ZFHX3: variants seen among roughly 807,000 people sequenced by gnomAD.
ZFHX3 encodes the protein zinc finger homeobox protein 3.
ZFHX3 carries 42 observed loss-of-function variants against 279.1 expected under a neutral mutation model. That is an observed-to-expected ratio of 0.15 (90% confidence interval 0.12 to 0.19). ZFHX3 has a LOEUF of 0.19. ZFHX3 is among the 10% of genes least tolerant of loss of function. The pLI is 1.00. For missense variants in ZFHX3, 4,981 were observed against 4,754.0 expected, an observed-to-expected ratio of 1.05 and a Z score of -1.40; for synonymous variants, 2,293 against 1,957.8, an observed-to-expected ratio of 1.17 and a Z score of -4.52.
chr16:73,777,045 CCT>C (rs1959272997), intron 1 of ZFHX3, among the ~76,000 whole-genome samples: 1 of 152,134 alleles, frequency 6.6e-6, no homozygotes, highest in African/African-American at 2.4e-5. Flanking sequence ...ATTGCATTCC[CCT>C]ATTTCACAAG....
intron 4 of ZFHX3, among the ~76,000 whole-genome samples, chr16:72,851,966 C>T (rs916905445): frequency 1.3e-5 from 2 of 152,166 alleles, no homozygotes; most frequent in African/African-American, 2.4e-5. Flanking sequence ...ACAGCTTTTG[C>T]GTAGACTTTA....
At chr16:73,287,611 GGTCAGTGT>G (rs2014655994) in intron 4 of ZFHX3, among the ~76,000 whole-genome samples, 3 of 144,236 alleles carry the variant, frequency 2.1e-5, no homozygotes, top group Non-Finnish European at 3.0e-5. Context: ...TGGGTGTGTG[GGTCAGTGT>G]GTGGCTGTGT....
At chr16:73,797,747 G>T (rs1960035463) in intron 1 of ZFHX3, among the ~76,000 whole-genome samples, 1 of 148,336 alleles carries the variant, frequency 6.7e-6, no homozygotes, top group Non-Finnish European at 1.5e-5. Context: ...CTAAAAATTA[G>T]AATAATAGGA....
chr16:73,319,969 G>T (rs76495730), intron 3 of ZFHX3, among the ~76,000 whole-genome samples: 1 of 152,216 alleles, frequency 6.6e-6, no homozygotes, highest in African/African-American at 2.4e-5. Context: ...GAGTGAACTC[G>T]GTTGCATTAA....
rs182791938 is a variant in ZFHX3 at position 73,189,330 on chromosome 16, G to A, written c.-1103-45499C>T. On this transcript the variant is annotated intron_variant, in intron 5 of 17. Transcript: ENST00000641206. ...GAGCAGCTAGCAGAATTCTAATCACGTGATCATTGTTCACTGGGGTCGGCA... is the reference window on the plus strand; with the variant it reads ...GAGCAGCTAGCAGAATTCTAATCACATGATCATTGTTCACTGGGGTCGGCA... Among the ~76,000 whole-genome samples the A allele has an allele frequency of 4.6e-5, 7 of 152,258 alleles. No homozygotes were observed. In the East Asian group the frequency reaches 9.6e-4, roughly 21 times the overall value.
intron 1 of ZFHX3, among the ~76,000 whole-genome samples, chr16:72,998,820 C>T (rs1963387142): frequency 6.6e-6 from 1 of 152,216 alleles, no homozygotes; most frequent in Non-Finnish European, 1.5e-5. Flanking sequence ...GTTAAGCTGC[C>T]CGGGCCTGGA....
rs192098379 is a variant in ZFHX3 at position 73,648,477 on chromosome 16, C to T, written c.-1547+31703G>A. Among the ~76,000 whole-genome samples the T allele has an allele frequency of 1.5e-3, 236 of 152,330 alleles. 1 individual carries two copies. Among genetic ancestry groups the T allele is most frequent in the Non-Finnish European group, 2.5e-3 (169 of 68,028 alleles). On this transcript the variant is annotated intron_variant, in intron 2 of 17. Coordinates refer to the ZFHX3 transcript ENST00000641206. ...CAGTCTCGGCTCACTGCAACCTCGG[C>T]CTCCTGGGTTCAAGTGATTCTCCTG... is the stretch of plus-strand genomic sequence containing the variant.
intron 3 of ZFHX3, among the ~76,000 whole-genome samples, chr16:72,935,662 A>AG (rs1004328776): frequency 1.7e-4 from 25 of 147,220 alleles, no homozygotes; most frequent in East Asian, 4.1e-4. Context: ...TGAACTCGGG[A>AG]GGGGGGGGTT....
intron 7 of ZFHX3, among the ~76,000 whole-genome samples, chr16:73,109,949 G>C (rs1399009465): frequency 6.6e-6 from 1 of 152,146 alleles, no homozygotes. Flanking sequence ...ACATTAAAGA[G>C]TTTCATTTGG....
chr16:73,552,772 T>C (rs2020220767), intron 2 of ZFHX3, among the ~76,000 whole-genome samples: 1 of 152,230 alleles, frequency 6.6e-6, no homozygotes, highest in East Asian at 1.9e-4. Flanking sequence ...TGCATTTATA[T>C]TGCTTTTTAT....
chr16:73,704,083 G>T (rs142342621), intron 1 of ZFHX3, among the ~76,000 whole-genome samples: 1 of 152,040 alleles, frequency 6.6e-6, no homozygotes, highest in Non-Finnish European at 1.5e-5. Flanking sequence ...TGGAAATTAC[G>T]CAATTTCAGA....
At chr16:72,937,253 C>A (rs1960173231) in intron 3 of ZFHX3, among the ~76,000 whole-genome samples, 2 of 152,114 alleles carry the variant, frequency 1.3e-5, no homozygotes, top group African/African-American at 4.8e-5. Flanking sequence ...AACCACTGGA[C>A]TGAATGAGAT....
chr16:73,853,054 G>C (rs1961628995), intron 1 of ZFHX3, among the ~76,000 whole-genome samples: 1 of 151,898 alleles, frequency 6.6e-6, no homozygotes, highest in Admixed American at 6.6e-5. Flanking sequence ...AAACATCAGT[G>C]GTCAATAAAC....
chr16:72,882,577 G>A (rs1233266981), intron 4 of ZFHX3, among the ~76,000 whole-genome samples: 2 of 152,182 alleles, frequency 1.3e-5, no homozygotes, highest in Non-Finnish European at 2.9e-5. Context: ...GTACGAGGCT[G>A]CACGCTCAAC....
chr16:73,014,760 C>G (rs1488650058), intron 1 of ZFHX3, among the ~76,000 whole-genome samples: 1 of 151,946 alleles, frequency 6.6e-6, no homozygotes, highest in African/African-American at 2.4e-5. Flanking sequence ...GATCCACCTG[C>G]CTCGGCCTCC....
chr16:73,799,347 G>C (rs1242460075), intron 1 of ZFHX3, among the ~76,000 whole-genome samples: 1 of 152,180 alleles, frequency 6.6e-6, no homozygotes, highest in Non-Finnish European at 1.5e-5. Flanking sequence ...AACTCCATAG[G>C]TGAATTCCCA....
chr16:73,213,014 T>A (rs568285092), intron 5 of ZFHX3, among the ~76,000 whole-genome samples: 1 of 152,348 alleles, frequency 6.6e-6, no homozygotes, highest in Non-Finnish European at 1.5e-5. Flanking sequence ...TGTCCTTGAC[T>A]CTTTTTGACT....
At chr16:73,618,236 T>C (rs2052324758) in intron 2 of ZFHX3, among the ~76,000 whole-genome samples, 1 of 152,162 alleles carries the variant, frequency 6.6e-6, no homozygotes, top group African/African-American at 2.4e-5. Context: ...TAGGTGACCA[T>C]CACCATCCTC....
At chr16:73,648,570 GTTTGT>G (rs970289070) in intron 2 of ZFHX3, among the ~76,000 whole-genome samples, 1 of 151,752 alleles carries the variant, frequency 6.6e-6, no homozygotes, top group Non-Finnish European at 1.5e-5. Context: ...TTGTTTGTTT[GTTTGT>G]TTTGTTTTGT....
Sources: allele counts gnomAD v4.1 joint callset (sites outside exome capture counted in the v4.1 genomes callset), GRCh38; gene constraint gnomAD v4.1.1; transcripts MANE v1.5; gene names NCBI Gene and HGNC (gene_info 2026-07-23, HGNC 2026-07-21).